Variants in FBLN2 observed in about 807,000 individuals in gnomAD.
FBLN2 encodes the protein fibulin 2.
A neutral mutation model predicts 123.7 loss-of-function variants in FBLN2; 81 were observed. That is an observed-to-expected ratio of 0.65 (90% CI 0.55 to 0.79). The LOEUF (loss-of-function observed/expected upper bound fraction) is 0.79. Among genes scored for constraint, FBLN2 ranks in the 30% least tolerant of loss-of-function variants. FBLN2 has a pLI of 0.00. For missense variants in FBLN2, 1,603 were observed against 1,681.3 expected (o/e 0.95, Z 0.81); for synonymous variants, 699 against 701.4 (o/e 1.00, Z 0.05).
In FBLN2 at chr3:13,619,749, G is replaced by A; in HGVS notation, c.2073G>A (p.Gln691=). 1 of 1,613,456 alleles carries A rather than the reference G, an allele frequency of 6.2e-7. No homozygotes were observed. The highest frequency in any genetic ancestry group is 2.2e-5 in the East Asian group (1 of 44,858). The change falls in exon 8 of 18, where the codon CAG becomes CAA. Residue 691 remains glutamine, a synonymous_variant. Transcript: ENST00000404922. The stretch of plus-strand genomic sequence containing the variant: ...CTCCAGACAATGGACCCTGCAAGCA[G>A]GTGTGCAGCACTGTTGGGGGCTCAG... ...NTCKDNGPCK[Q]VCSTVGGSAI... is the part of the protein sequence containing the mutation.
In FBLN2 at chr3:13,629,894, T is replaced by A; in HGVS notation, c.2917T>A (p.Cys973Ser). 6.2e-7 allele frequency: 1 copy of A among 1,605,814 alleles called. No individual in the cohort carries two copies. Among genetic ancestry groups the A allele is most frequent in the Non-Finnish European group, 8.5e-7 (1 of 1,177,048 alleles). ...TCENTLGSYR[C>S]SCASGFLLAA... ...TGAGAACACACTCGGCTCCTACCGC[T>A]GTTCCTGCGCCTCCGGGTTCCTGCT... The change falls in exon 14 of 18, where the codon TGT (cysteine) becomes AGT (serine). Residue 973 changes from cysteine to serine, a missense_variant. By Grantham distance (112) the Cys-to-Ser change is moderately radical. Transcript: ENST00000404922.
chr3:13,569,193 A>G (rs1482158643), intron 1 of FBLN2: 2 of 321,688 alleles, frequency 6.2e-6, no homozygotes, highest in Middle Eastern at 1.4e-3. Flanking sequence ...GGCTTGTGCA[A>G]GATGAGAGGG....
intron 1 of FBLN2, among the ~76,000 whole-genome samples, chr3:13,567,094 G>T (rs1703769640): frequency 6.6e-6 from 1 of 152,208 alleles, no homozygotes. Context: ...GCTTAAGCAT[G>T]GACAGAATGT....
chr3:13,557,116 C>T (rs1703484092), intron 1 of FBLN2, among the ~76,000 whole-genome samples: 1 of 152,224 alleles, frequency 6.6e-6, no homozygotes, highest in South Asian at 2.1e-4. Flanking sequence ...GAGCTGTGAC[C>T]AGCCCAGCCT....
At chr3:13,614,635 TATCCATCC>T (rs375890094) in intron 5 of FBLN2, among the ~76,000 whole-genome samples, 61 of 131,910 alleles carry the variant, frequency 4.6e-4, no homozygotes, top group African/African-American at 7.8e-4. Context: ...CCCACCCAAT[TATCCATCC>T]ATCCATCCAT....
At chr3:13,635,462 G>A (rs1400010631) in intron 16 of FBLN2, among the ~76,000 whole-genome samples, 4 of 152,116 alleles carry the variant, frequency 2.6e-5, no homozygotes. Context: ...CTATTCATAT[G>A]TCTGTTGACG....
At chr3:13,609,129 C>T (rs1164436476) in intron 3 of FBLN2, among the ~76,000 whole-genome samples, 3 of 152,258 alleles carry the variant, frequency 2.0e-5, no homozygotes, top group African/African-American at 7.2e-5. Flanking sequence ...ACCTCTGCCC[C>T]AGGCAGCCCA....
At position 13,626,453 on chromosome 3, in the gene FBLN2, G is replaced by C; in HGVS notation, c.2305G>C (p.Glu769Gln). 2 of 1,582,112 alleles carry C rather than the reference G, an allele frequency of 1.3e-6. No individual in the cohort carries two copies. Among genetic ancestry groups the C allele is most frequent in the Non-Finnish European group, 1.7e-6 (2 of 1,162,824 alleles). Reference protein sequence around the residue: ...NAHRKCVDINECVTDLHTCSR... With the variant: ...NAHRKCVDINQCVTDLHTCSR... ...CCTCGCTCTCCCTGCAGACATCAAC[G>C]AGTGTGTGACGGACCTGCACACGTG... Residue 769 changes from glutamate (E) to glutamine (Q), a missense_variant, in exon 10 of 18, where the codon GAG (glutamate) becomes CAG (glutamine). Coordinates refer to ENST00000404922, the MANE Select transcript of FBLN2 (RefSeq NM_001004019.2).
At position 13,570,496 on chromosome 3, in the gene FBLN2, G is replaced by C; in HGVS notation, c.141G>C (p.Glu47Asp). Reference sequence around the variant, plus strand: ...CGCCGCTGGAGAACTGCATTGAGGAGGCGCTGGAGCCGGGTGCCTGCTGTG... The same window carrying C: ...CGCCGCTGGAGAACTGCATTGAGGACGCGCTGGAGCCGGGTGCCTGCTGTG... ...ECPPLENCIE[E>D]ALEPGACCAT... Residue 47 changes from glutamate to aspartate, a missense_variant, in exon 2 of 18, where the codon GAG becomes GAC. Coordinates refer to ENST00000404922, the MANE Select transcript of FBLN2 (RefSeq NM_001004019.2). 3 of 1,584,976 alleles carry C rather than the reference G, an allele frequency of 1.9e-6. No individual in the cohort carries two copies. Among genetic ancestry groups the C allele is most frequent in the Non-Finnish European group, 2.6e-6 (3 of 1,166,646 alleles).
chr3:13,603,124 G>T (rs1263391841), intron 2 of FBLN2, among the ~76,000 whole-genome samples: 1 of 151,628 alleles, frequency 6.6e-6, no homozygotes, highest in Non-Finnish European at 1.5e-5. Context: ...TGTTGGCTAG[G>T]CTGGTCTTGA....
intron 2 of FBLN2, among the ~76,000 whole-genome samples, chr3:13,592,123 A>G (rs1256243884): frequency 6.6e-6 from 1 of 150,942 alleles, no homozygotes; most frequent in Non-Finnish European, 1.5e-5. Context: ...CCTGTGTTCA[A>G]GCGATCCTCC....
chr3:13,595,879 ACAGT>A lies in FBLN2; in HGVS notation c.1307-12178_1307-12175del, dbSNP rs537148212. Reference sequence around the variant, plus strand: ...CAAATACAAATTACAAAAGGGGTAAACAGTCAGTTTCCTTCCTCCCTCCCCAGGG... The same window carrying A: ...CAAATACAAATTACAAAAGGGGTAAACAGTTTCCTTCCTCCCTCCCCAGGG... On this transcript the variant is annotated intron_variant, in intron 2 of 17. Transcript: ENST00000404922. 9.2e-4 allele frequency among the ~76,000 whole-genome samples: 140 copies of A among 152,334 alleles called. No individual in the cohort carries two copies. In the South Asian group the frequency reaches 0.029, roughly 31 times the overall value.
intron 9 of FBLN2, 103 bp downstream of exon 9, chr3:13,622,018 A>C (rs1398629513): frequency 7.5e-7 from 1 of 1,338,754 alleles, no homozygotes; most frequent in Admixed American, 2.2e-5. Flanking sequence ...TGCCCTTTGC[A>C]TGTGAGCTCT....
intron 2 of FBLN2, among the ~76,000 whole-genome samples, chr3:13,604,984 C>CT (rs774104533): frequency 2.6e-5 from 4 of 152,188 alleles, no homozygotes; most frequent in Non-Finnish European, 5.9e-5. Context: ...ATTTAGAGGG[C>CT]TTTGTGGGCC....
At chr3:13,629,555 G>C (rs190964591) in intron 13 of FBLN2, among the ~76,000 whole-genome samples, 1 of 149,836 alleles carries the variant, frequency 6.7e-6, no homozygotes, top group East Asian at 2.0e-4. Context: ...TGCTTCCCTC[G>C]GTCTCTGTCA....
At chr3:13,594,896 A>G (rs533261487) in intron 2 of FBLN2, among the ~76,000 whole-genome samples, 18 of 152,256 alleles carry the variant, frequency 1.2e-4, no homozygotes, top group South Asian at 6.2e-4. Flanking sequence ...CCTTGGAAGA[A>G]CTGATGAAGA....
intron 2 of FBLN2, among the ~76,000 whole-genome samples, chr3:13,577,118 G>C (rs1011150061): frequency 6.6e-6 from 1 of 151,874 alleles, no homozygotes; most frequent in Non-Finnish European, 1.5e-5. Flanking sequence ...AGCTACTCAG[G>C]AGGCTGAGGC....
chr3:13,606,545 A>C (rs1233891463), intron 2 of FBLN2, among the ~76,000 whole-genome samples: 3 of 152,246 alleles, frequency 2.0e-5, no homozygotes, highest in Non-Finnish European at 4.4e-5. Flanking sequence ...TCCACATGTA[A>C]CTTTTGACTC....
Position 13,618,128 on chromosome 3 carries a change from C to A in FBLN2, c.1782C>A (p.Ala594=). 1.9e-6 allele frequency: 3 copies of A among 1,613,508 alleles called. No individual in the cohort carries two copies. Among genetic ancestry groups the A allele is most frequent in the Non-Finnish European group, 2.5e-6 (3 of 1,179,906 alleles). ...GREALSLGTE[A]ELPNSLPGDD... is the part of the protein sequence containing the mutation. Reference sequence around the variant, plus strand: ...AGGCCCTGTCACTGGGCACAGAGGCCGAGCTGCCGAACAGCCTGCCGGGCG... The same window carrying A: ...AGGCCCTGTCACTGGGCACAGAGGCAGAGCTGCCGAACAGCCTGCCGGGCG... Residue 594 remains alanine, a synonymous_variant, in exon 6 of 18, where the codon GCC becomes GCA. Transcript: ENST00000404922.
Sources: gnomAD v4.1 joint callset for allele counts (sites outside exome capture counted in the v4.1 genomes callset) on GRCh38, gnomAD v4.1.1 for gene constraint, MANE v1.5 for transcripts, NCBI Gene and HGNC (gene_info 2026-07-23, HGNC 2026-07-21) for gene names.